The following SRPK2 variants were observed in gnomAD, a reference collection of about 807,000 sequenced individuals.
SRPK2 encodes the protein SFRS protein kinase 2.
Under a neutral mutation model 90.8 loss-of-function variants are expected in SRPK2, and 21 were observed. That is an observed-to-expected ratio of 0.23 (90% CI 0.16 to 0.33). The LOEUF is 0.33. SRPK2 is among the 10% of genes least tolerant of loss of function. SRPK2 has a pLI of 1.00. For synonymous variants in SRPK2, 288 were observed against 311.1 expected, an observed-to-expected ratio of 0.93 and a Z score of 0.78; for missense variants, 620 against 869.0, an observed-to-expected ratio of 0.71 and a Z score of 3.60.
At chr7:105,273,570 T>C (rs1005681871) in intron 2 of SRPK2, among the ~76,000 whole-genome samples, 5 of 151,942 alleles carry the variant, frequency 3.3e-5, no homozygotes, top group African/African-American at 1.2e-4. Context: ...GGATTACAGG[T>C]GGGCACCACC....
In SRPK2 at chr7:105,117,835, T is replaced by C. The variant is rs748252519; in HGVS notation, c.*3A>G. Reference sequence around the variant, plus strand: ...GCTCAGAATGCAATATTGGTAGAATTTGCTAAGAATTCAACCAAGGATGCC... The same window carrying C: ...GCTCAGAATGCAATATTGGTAGAATCTGCTAAGAATTCAACCAAGGATGCC... On this transcript the variant is annotated 3_prime_UTR_variant, in exon 16 of 16. Transcript: ENST00000393651. 4 of 1,612,200 alleles carry C rather than the reference T, an allele frequency of 2.5e-6. No individual in the cohort carries two copies. In the East Asian group the frequency reaches 8.9e-5, roughly 36 times the overall value.
chr7:105,293,925 A>T (rs1379290338), intron 2 of SRPK2, among the ~76,000 whole-genome samples: 1 of 152,204 alleles, frequency 6.6e-6, no homozygotes. Context: ...GGAAAGCATT[A>T]TCCCAGTTTA....
intron 2 of SRPK2, among the ~76,000 whole-genome samples, chr7:105,271,278 G>C (rs559634213): frequency 6.6e-6 from 1 of 152,176 alleles, no homozygotes; most frequent in South Asian, 2.1e-4. Context: ...TGCCTATCTT[G>C]TAAACACTGG....
intron 2 of SRPK2, among the ~76,000 whole-genome samples, chr7:105,209,476 T>C (rs1391492009): frequency 6.6e-6 from 1 of 151,706 alleles, no homozygotes; most frequent in Non-Finnish European, 1.5e-5. Flanking sequence ...CATGCGAGTC[T>C]GCAATGAGCT....
intron 2 of SRPK2, among the ~76,000 whole-genome samples, chr7:105,313,107 G>GA (rs542311406): frequency 1.3e-3 from 202 of 149,826 alleles, no homozygotes; most frequent in Non-Finnish European, 3.1e-4. Flanking sequence ...CATGTAAGGG[G>GA]AAAAAAAAGT....
At position 105,145,398 on chromosome 7, in the gene SRPK2, T is replaced by C. The variant is rs113318146; in HGVS notation, c.788-90A>G. 6.6e-4 allele frequency: 630 copies of C among 948,670 alleles called. 4 individuals carry two copies. The highest frequency in any genetic ancestry group is 5.5e-3 in the East Asian group (204 of 36,764). The allele number at this position is 948,670 out of a possible 1,614,324, so 58.8% of individuals were successfully genotyped here. A position where few individuals can be genotyped will look rare whatever the true frequency, so the allele number is the denominator to read the frequency against. On this transcript the variant is annotated intron_variant, in intron 8 of 15. Coordinates refer to ENST00000393651, the MANE Select transcript of SRPK2 (RefSeq NM_182692.3). ...TTCGAATTGCAAAGTGAAATAATTA[T>C]TGTCTTTTAATGGCTATCCAACTTC...
chr7:105,390,567 T>G (rs776359541), upstream of SRPK2, among the ~76,000 whole-genome samples: 9 of 151,602 alleles, frequency 5.9e-5, no homozygotes, highest in Non-Finnish European at 1.3e-4. Context: ...TAGCTGGGAT[T>G]ACAGGCATAC....
rs397889533 is a variant in SRPK2 at position 105,292,497 on chromosome 7, C to CAAAAAAAAAA, written c.72-88722_72-88713dup. On this transcript the variant is annotated intron_variant, in intron 2 of 15. Transcript: ENST00000393651. Reference sequence around the variant, plus strand: ...AGCCTGGGCGATAGAGTAAGACTCTCAAAAAAAAAAAAAAAAAAAAAAAAA... The same window carrying CAAAAAAAAAA: ...AGCCTGGGCGATAGAGTAAGACTCTCAAAAAAAAAAAAAAAAAAAAAAAAAAAAAAAAAAA... 3.3e-4 allele frequency among the ~76,000 whole-genome samples: 25 copies of CAAAAAAAAAA among 74,788 alleles called. 5 individuals carry two copies. Among genetic ancestry groups the CAAAAAAAAAA allele is most frequent in the Non-Finnish European group, 4.9e-4 (19 of 39,174 alleles). The allele number at this position is 74,788 out of a possible 152,430, so 49.1% of individuals were successfully genotyped here.
rs1481285136 is a variant in SRPK2, at chr7:105,275,686, G to A, written c.72-71901C>T. ...CAAGCCCCTGGAACCCTGATGAGGAGTAGCAGATTACCAGTAACTCTACTC... is the reference window on the plus strand; with the variant it reads ...CAAGCCCCTGGAACCCTGATGAGGAATAGCAGATTACCAGTAACTCTACTC... On this transcript the variant is annotated intron_variant, in intron 2 of 15. Transcript: ENST00000393651. Among the ~76,000 whole-genome samples, 3 of 152,198 alleles carry A rather than the reference G, an allele frequency of 2.0e-5. No individual in the cohort carries two copies. In the East Asian group the frequency reaches 5.8e-4, roughly 29 times the overall value.
At chr7:105,288,943 T>G (rs1473618611) in intron 2 of SRPK2, among the ~76,000 whole-genome samples, 1 of 151,882 alleles carries the variant, frequency 6.6e-6, no homozygotes, top group Non-Finnish European at 1.5e-5. Context: ...TTTCAGAAAT[T>G]CTAGTTTTCC....
intron 2 of SRPK2, among the ~76,000 whole-genome samples, chr7:105,315,347 G>C (rs751748781): frequency 6.6e-6 from 1 of 152,234 alleles, no homozygotes; most frequent in South Asian, 2.1e-4. Context: ...TTAAAAACTA[G>C]TTTGAGATGC....
upstream of SRPK2, among the ~76,000 whole-genome samples, chr7:105,390,215 A>G (rs575386968): frequency 4.6e-5 from 7 of 152,278 alleles, no homozygotes; most frequent in African/African-American, 7.2e-5. Context: ...GATCACTCCA[A>G]GAAACTTTCA....
intron 2 of SRPK2, among the ~76,000 whole-genome samples, chr7:105,331,799 G>T (rs1814447985): frequency 6.6e-6 from 1 of 152,094 alleles, no homozygotes; most frequent in Admixed American, 6.6e-5. Context: ...AACTTAGGAG[G>T]GACCACAGAT....
chr7:105,337,084 G>C (rs1013160499), intron 2 of SRPK2, among the ~76,000 whole-genome samples: 1 of 152,058 alleles, frequency 6.6e-6, no homozygotes, highest in African/African-American at 2.4e-5. Flanking sequence ...TTACAGGCAT[G>C]AGCCACCCAT....
At chr7:105,328,254 A>G (rs897468236) in intron 2 of SRPK2, among the ~76,000 whole-genome samples, 4 of 152,124 alleles carry the variant, frequency 2.6e-5, no homozygotes, top group African/African-American at 7.2e-5. Flanking sequence ...ATGCAGCCCA[A>G]TGTATTTTTT....
At chr7:105,289,951 C>A (rs1808733400) in intron 2 of SRPK2, among the ~76,000 whole-genome samples, 1 of 152,020 alleles carries the variant, frequency 6.6e-6, no homozygotes, top group South Asian at 2.1e-4. Context: ...TGTTGTGTCG[C>A]AGGAAGTAGG....
At chr7:105,278,134 G>A (rs1806762447) in intron 2 of SRPK2, among the ~76,000 whole-genome samples, 1 of 151,848 alleles carries the variant, frequency 6.6e-6, no homozygotes, top group South Asian at 2.1e-4. Flanking sequence ...TGGCCAACAA[G>A]GTGAAAACCC....
intron 3 of SRPK2, 25 bp downstream of exon 3, chr7:105,203,603 C>T (rs763662828): frequency 1.4e-6 from 2 of 1,463,874 alleles, no homozygotes; most frequent in Admixed American, 2.6e-5. Context: ...AGGCAAGCCC[C>T]ACACCACCAT....
At chr7:105,358,000 G>A (rs988890122) in intron 2 of SRPK2, among the ~76,000 whole-genome samples, 7 of 151,910 alleles carry the variant, frequency 4.6e-5, no homozygotes, top group African/African-American at 1.7e-4. Context: ...TGAGGTGGGT[G>A]GATCACAAAG....
Sources: gnomAD v4.1 joint callset for allele counts (sites outside exome capture counted in the v4.1 genomes callset) on GRCh38, gnomAD v4.1.1 for gene constraint, MANE v1.5 for transcripts, NCBI Gene and HGNC (gene_info 2026-07-23, HGNC 2026-07-21) for gene names.